The following ALKBH1 variants were observed in gnomAD, a reference collection of about 807,000 sequenced individuals.
The protein encoded by ALKBH1 is nucleic acid dioxygenase ALKBH1.
A neutral mutation model predicts 36.6 loss-of-function variants in ALKBH1; 31 were observed. The observed-to-expected ratio is 0.85, with a 90% CI of 0.64 to 1.14. The LOEUF (loss-of-function observed/expected upper bound fraction) is 1.14, where lower values mean the gene tolerates loss of function less well. Ranked by LOEUF, ALKBH1 falls within the 50% of genes most tolerant of loss-of-function variation. The probability of loss-of-function intolerance (pLI) is 0.00; values close to 1 mark genes in which losing one functional copy is unlikely to be tolerated. For synonymous variants in ALKBH1, 183 were observed against 186.6 expected (o/e 0.98, Z 0.16); for missense variants, 490 against 497.3 (o/e 0.99, Z 0.14).
At chr14:77,677,784 T>C (rs1427512264) in intron 4 of ALKBH1, among the ~76,000 whole-genome samples, 1 of 152,166 alleles carries the variant, frequency 6.6e-6, no homozygotes, top group Non-Finnish European at 1.5e-5. Flanking sequence ...CAAAGTGTGA[T>C]TAAAGAACTT....
intron 1 of ALKBH1, among the ~76,000 whole-genome samples, chr14:77,706,062 A>G (rs1173846873): frequency 6.6e-6 from 1 of 150,558 alleles, no homozygotes; most frequent in African/African-American, 2.4e-5. Flanking sequence ...CTCAGTAAAA[A>G]AAAGTATATA....
intron 3 of ALKBH1, among the ~76,000 whole-genome samples, chr14:77,685,797 C>T (rs746888201): frequency 4.0e-5 from 6 of 151,816 alleles, no homozygotes; most frequent in South Asian, 4.2e-4. Context: ...TGAGTTTTTG[C>T]GTTATATTAT....
At chr14:77,679,575 C>A (rs928431998) in intron 4 of ALKBH1, among the ~76,000 whole-genome samples, 2 of 152,092 alleles carry the variant, frequency 1.3e-5, no homozygotes, top group Non-Finnish European at 2.9e-5. Flanking sequence ...GGACTGCAGG[C>A]ATGTGCCACC....
chr14:77,677,706 T>A (rs893502236), intron 4 of ALKBH1, among the ~76,000 whole-genome samples: 87 of 152,344 alleles, frequency 5.7e-4, no homozygotes, highest in Non-Finnish European at 9.1e-4. Context: ...GGAACTTTTC[T>A]GTTTTTCATT....
intron 2 of ALKBH1, among the ~76,000 whole-genome samples, chr14:77,702,397 T>C (rs897339936): frequency 6.6e-6 from 1 of 152,070 alleles, no homozygotes; most frequent in Non-Finnish European, 1.5e-5. Context: ...GCTCTACATT[T>C]ACCCAAACTC....
intron 3 of ALKBH1, among the ~76,000 whole-genome samples, chr14:77,693,636 A>G (rs1480670945): frequency 6.6e-6 from 1 of 152,044 alleles, no homozygotes; most frequent in Non-Finnish European, 1.5e-5. Flanking sequence ...GTAAACCCCT[A>G]CTCATTTTTG....
chr14:77,697,359 G>T, intron 2 of ALKBH1: 1 of 159,414 alleles, frequency 6.3e-6, no homozygotes, highest in South Asian at 1.8e-4. Flanking sequence ...CTTCCAGCAT[G>T]ACCTCAGCTG....
chr14:77,695,636 G>C (rs1435353757), intron 2 of ALKBH1, among the ~76,000 whole-genome samples: 2 of 152,096 alleles, frequency 1.3e-5, no homozygotes, highest in Non-Finnish European at 2.9e-5. Context: ...CAGCTGCAGG[G>C]GTGACAGTTG....
At chr14:77,689,858 C>G (rs1595053821) in intron 3 of ALKBH1, among the ~76,000 whole-genome samples, 1 of 151,276 alleles carries the variant, frequency 6.6e-6, no homozygotes, top group East Asian at 1.9e-4. Flanking sequence ...AAAAAAAAAT[C>G]AAGCAAAAAA....
At position 77,703,945 on chromosome 14, in the gene ALKBH1, C is replaced by G. The variant is rs556772694; in HGVS notation, c.292+424G>C. On this transcript the variant is annotated intron_variant, in intron 2 of 5. Transcript: ENST00000216489. ...GTAATTCTTTATTAAATATGTTCAG[C>G]CTTGATAGCAACAAGTTTTAAGTTG... Among the ~76,000 whole-genome samples, 4 of 152,210 alleles carry G rather than the reference C, an allele frequency of 2.6e-5. No homozygotes were observed. In the East Asian group the frequency reaches 7.7e-4, roughly 29 times the overall value.
At chr14:77,699,887 T>C (rs2080349647) in intron 2 of ALKBH1, among the ~76,000 whole-genome samples, 1 of 151,716 alleles carries the variant, frequency 6.6e-6, no homozygotes, top group African/African-American at 2.4e-5. Flanking sequence ...ACCCCGTCTC[T>C]ACTAAAAAAT....
intron 3 of ALKBH1, among the ~76,000 whole-genome samples, chr14:77,693,219 A>AC (rs1413996136): frequency 6.3e-5 from 8 of 126,880 alleles, no homozygotes; most frequent in Non-Finnish European, 8.7e-5. Flanking sequence ...AAAAAAAAAA[A>AC]AAAAATTTTT....
chr14:77,690,314 A>G (rs10139492), intron 3 of ALKBH1, among the ~76,000 whole-genome samples: 1 of 152,090 alleles, frequency 6.6e-6, no homozygotes, highest in African/African-American at 2.4e-5. Context: ...GCCAGGTCAT[A>G]TTGGCCTTAC....
chr14:77,678,545 CAA>C (rs35334986), intron 4 of ALKBH1, among the ~76,000 whole-genome samples: 20,720 of 118,186 alleles, frequency 0.18, 1,161 homozygotes, highest in East Asian at 0.29. Flanking sequence ...AAGACCATTA[CAA>C]AAAAAAAAAA....
At chr14:77,676,294 T>G (rs575963012) in intron 4 of ALKBH1, among the ~76,000 whole-genome samples, 10 of 152,250 alleles carry the variant, frequency 6.6e-5, no homozygotes, top group Non-Finnish European at 1.5e-5. Context: ...ATCCATCCAT[T>G]CTTGGGGTAT....
rs72685250 is a variant in ALKBH1, at chr14:77,680,681, T to C, written c.456-711A>G. ...AAATCTATGTGATTAACTACTCTTT[T>C]TTTTTTTTTTTTTTTGAGACAGAGT... On this transcript the variant is annotated intron_variant, in intron 3 of 5. Coordinates refer to ENST00000216489, the MANE Select transcript of ALKBH1 (RefSeq NM_006020.3). 1.8e-3 allele frequency among the ~76,000 whole-genome samples: 221 copies of C among 124,432 alleles called. 2 individuals carry two copies. The highest frequency in any genetic ancestry group is 5.2e-3 in the South Asian group (21 of 4,040). 81.6% of individuals were successfully genotyped at this position (124,432 alleles called of 152,430 possible).
chr14:77,682,756 G>A (rs998768343), intron 3 of ALKBH1, among the ~76,000 whole-genome samples: 2 of 152,124 alleles, frequency 1.3e-5, no homozygotes, highest in Non-Finnish European at 2.9e-5. Context: ...GGAGGGCAAT[G>A]GCACGATCTT....
chr14:77,702,414 A>G (rs1272483705), intron 2 of ALKBH1, among the ~76,000 whole-genome samples: 7 of 152,266 alleles, frequency 4.6e-5, no homozygotes, highest in Non-Finnish European at 1.0e-4. Context: ...ACTCAAGAGG[A>G]GCCAGGCTGT....
At chr14:77,678,406 T>C (rs972958221) in intron 4 of ALKBH1, among the ~76,000 whole-genome samples, 3 of 152,152 alleles carry the variant, frequency 2.0e-5, no homozygotes, top group African/African-American at 7.2e-5. Context: ...CTAAGTTGGG[T>C]TGGCTGAAAC....
Sources: allele counts gnomAD v4.1 joint callset (sites outside exome capture counted in the v4.1 genomes callset), GRCh38; gene constraint gnomAD v4.1.1; transcripts MANE v1.5; gene names NCBI Gene and HGNC (gene_info 2026-07-23, HGNC 2026-07-21).